VKORC1L1: variants seen among roughly 807,000 people sequenced by gnomAD.
VKORC1L1 encodes vitamin K epoxide reductase complex subunit 1-like protein 1.
In VKORC1L1, 2 loss-of-function variants were observed where a neutral mutation model predicts 18.9. The observed-to-expected ratio is 0.11, with a 90% CI of 0.04 to 0.33. VKORC1L1 has a LOEUF of 0.33. Among genes scored for constraint, VKORC1L1 ranks in the 10% least tolerant of loss-of-function variants. The pLI is 1.00. For missense variants in VKORC1L1, 123 were observed against 224.1 expected (o/e 0.55, Z 2.88); for synonymous variants, 96 against 100.0 (o/e 0.96, Z 0.24).
At chr7:65,876,959 T>C (rs62470881) in intron 1 of VKORC1L1, among the ~76,000 whole-genome samples, 5,716 of 152,120 alleles carry the variant, frequency 0.038, 167 homozygotes, top group East Asian at 0.096. Context: ...GGTGTGAGGA[T>C]CACTTGAGCC....
At chr7:65,898,529 A>G (rs2116384289) in intron 1 of VKORC1L1, among the ~76,000 whole-genome samples, 1 of 152,318 alleles carries the variant, frequency 6.6e-6, no homozygotes, top group South Asian at 2.1e-4. Context: ...TTATCTCTAT[A>G]GGCATATATT....
intron 1 of VKORC1L1, among the ~76,000 whole-genome samples, chr7:65,919,942 C>T (rs1789648316): frequency 6.6e-6 from 1 of 152,014 alleles, no homozygotes; most frequent in Admixed American, 6.6e-5. Context: ...CCTTGGATGC[C>T]CATTTTGTTC....
intron 1 of VKORC1L1, among the ~76,000 whole-genome samples, chr7:65,921,793 A>G (rs1307677434): frequency 6.6e-6 from 1 of 151,578 alleles, no homozygotes; most frequent in Non-Finnish European, 1.5e-5. Context: ...GCTTGCAGTG[A>G]GCGGAGATCA....
At chr7:65,874,989 G>C (rs1184314749) in intron 1 of VKORC1L1, among the ~76,000 whole-genome samples, 1 of 152,110 alleles carries the variant, frequency 6.6e-6, no homozygotes, top group Admixed American at 6.6e-5. Flanking sequence ...AAGGTAACTG[G>C]ATCTCTTTAT....
chr7:65,893,253 C>T (rs1356130173), intron 1 of VKORC1L1, among the ~76,000 whole-genome samples: 1 of 152,166 alleles, frequency 6.6e-6, no homozygotes, highest in South Asian at 2.1e-4. Flanking sequence ...TTAAAACTTT[C>T]CTGTTTGGAC....
intron 1 of VKORC1L1, among the ~76,000 whole-genome samples, chr7:65,907,564 G>A (rs1789426660): frequency 6.6e-6 from 1 of 152,192 alleles, no homozygotes; most frequent in South Asian, 2.1e-4. Context: ...AATGTAGATT[G>A]CTTTCACAGT....
rs1390642358 is a variant in VKORC1L1, at chr7:65,954,342, A to G, written c.*42A>G. On this transcript the variant is annotated 3_prime_UTR_variant, in exon 3 of 3. Transcript: ENST00000360768. ...CCCTAACAGTCTCAAGCCCCTTTCC[A>G]TTCAGTTTATTTTGCAGCAGGTTTT... 1 of 1,604,648 alleles carries G rather than the reference A, an allele frequency of 6.2e-7. No individual in the cohort carries two copies.
rs1357804775 is a variant in VKORC1L1, at chr7:65,948,413, A to T, written c.195-258A>T. 6.7e-5 allele frequency among the ~76,000 whole-genome samples: 9 copies of T among 133,596 alleles called. No individual in the cohort carries two copies. The Admixed American group carries it at 7.3e-4, about 11-fold the overall frequency. 87.6% of individuals were successfully genotyped at this position (133,596 alleles called of 152,430 possible). ...TGCCCTACCTTCTGGAGAAGAGAAT[A>T]TATAGAAATTGGCAACTGAGAGATT... is the stretch of plus-strand genomic sequence containing the variant. On this transcript the variant is annotated intron_variant, in intron 1 of 2. Coordinates refer to ENST00000360768, the MANE Select transcript of VKORC1L1 (RefSeq NM_173517.6).
rs1790278543 is a variant in VKORC1L1 at position 65,955,400 on chromosome 7, C to G, written c.*1100C>G. ...AATTTAATTGTTTTGCAGTCAAATA[C>G]TGGATTTGTAACCTTCAGGGCTGAC... On this transcript the variant is annotated 3_prime_UTR_variant, in exon 3 of 3. Coordinates refer to ENST00000360768, the MANE Select transcript of VKORC1L1 (RefSeq NM_173517.6). 6.6e-6 allele frequency: 1 copy of G among 152,222 alleles called. No homozygotes were observed. Among genetic ancestry groups the G allele is most frequent in the African/African-American group, 2.4e-5 (1 of 41,456 alleles). 9.4% of individuals were successfully genotyped at this position (152,222 alleles called of 1,614,324 possible).
At chr7:65,872,913 C>A (rs1240877459), upstream of VKORC1L1, among the ~76,000 whole-genome samples, 5 of 152,028 alleles carry the variant, frequency 3.3e-5, no homozygotes, top group East Asian at 9.7e-4. Flanking sequence ...TAGACCGCTC[C>A]TTTAAGTCCC....
chr7:65,873,455 G>C lies in VKORC1L1; in HGVS notation c.84G>C (p.Leu28=), dbSNP rs1189664871. Residue 28 remains leucine (L), a synonymous_variant, in exon 1 of 3, where the codon CTG becomes CTC. Transcript: ENST00000360768. ...ATGCAGTGTGCGCTGCCGGAATCCT[G>C]CTCTCCATCTACGCCTACCACGTGG... The part of the protein sequence containing the change: ...ARYAVCAAGI[L]LSIYAYHVER... 6.3e-7 allele frequency: 1 copy of C among 1,596,566 alleles called. No homozygotes were observed. Among genetic ancestry groups the C allele is most frequent in the African/African-American group, 1.4e-5 (1 of 73,428 alleles).
At chr7:65,909,508 TATGC>T (rs1386974911) in intron 1 of VKORC1L1, among the ~76,000 whole-genome samples, 16 of 152,192 alleles carry the variant, frequency 1.1e-4, no homozygotes, top group Admixed American at 2.0e-4. Flanking sequence ...TGTAACAGTT[TATGC>T]CATGAAGAGT....
intron 1 of VKORC1L1, among the ~76,000 whole-genome samples, chr7:65,885,828 A>G (rs567881424): frequency 1.5e-3 from 234 of 152,086 alleles, no homozygotes; most frequent in African/African-American, 5.5e-3. Context: ...TCATTTCCAA[A>G]TTTTTCTTTG....
chr7:65,925,126 G>A (rs576808507), intron 1 of VKORC1L1, among the ~76,000 whole-genome samples: 4 of 152,228 alleles, frequency 2.6e-5, no homozygotes, highest in Non-Finnish European at 5.9e-5. Flanking sequence ...AAACCTTCAG[G>A]TTTTTATTTT....
chr7:65,924,153 T>G lies in VKORC1L1; in HGVS notation c.195-24518T>G, dbSNP rs191206767. On this transcript the variant is annotated intron_variant, in intron 1 of 2. Transcript: ENST00000360768. ...AGGCTTCCCAGTAAGGAATGTGAGA[T>G]CAGTATGTTCTAATATCTTCATACA... Among the ~76,000 whole-genome samples the G allele has an allele frequency of 4.7e-4, 71 of 152,248 alleles. 1 individual carries two copies. The highest frequency in any genetic ancestry group is 1.6e-3 in the Admixed American group (24 of 15,292).
At chr7:65,949,404 G>A (rs1326852131) in intron 2 of VKORC1L1, among the ~76,000 whole-genome samples, 3 of 151,934 alleles carry the variant, frequency 2.0e-5, no homozygotes, top group South Asian at 2.1e-4. Flanking sequence ...ACTTGAACCC[G>A]GGAGACGGAG....
intron 2 of VKORC1L1, among the ~76,000 whole-genome samples, chr7:65,950,339 G>A (rs1330973177): frequency 6.6e-6 from 1 of 152,132 alleles, no homozygotes; most frequent in Non-Finnish European, 1.5e-5. Context: ...AAATCCATCT[G>A]TTGATGCCTT....
rs77768418 is a variant in VKORC1L1, at chr7:65,902,332, C to A, written c.194+28767C>A. ...AAGTGGAAGGTGTATTTTAAAAAGA[C>A]CCAAACAGAACATCTTGAGTTGGAA... On this transcript the variant is annotated intron_variant, in intron 1 of 2. Transcript: ENST00000360768. 5.3e-4 allele frequency among the ~76,000 whole-genome samples: 80 copies of A among 152,206 alleles called. 1 individual carries two copies. The East Asian group carries it at 0.014, about 26-fold the overall frequency.
intron 1 of VKORC1L1, among the ~76,000 whole-genome samples, chr7:65,903,950 T>C (rs535772405): frequency 2.7e-4 from 41 of 152,098 alleles, no homozygotes; most frequent in Non-Finnish European, 4.9e-4. Flanking sequence ...TTTTTTCCAT[T>C]TTATTCTCTT....
Sources: allele counts gnomAD v4.1 joint callset (sites outside exome capture counted in the v4.1 genomes callset), GRCh38; gene constraint gnomAD v4.1.1; transcripts MANE v1.5; gene names NCBI Gene and HGNC (gene_info 2026-07-23, HGNC 2026-07-21).